The following PTPN4 variants were observed in gnomAD, a reference collection of about 807,000 sequenced individuals.
PTPN4 encodes protein tyrosine phosphatase non-receptor type 4.
In PTPN4, 49 loss-of-function variants were observed where a neutral mutation model predicts 135.5. The observed-to-expected ratio is 0.36, with a 90% confidence interval of 0.29 to 0.46. The LOEUF (loss-of-function observed/expected upper bound fraction) is 0.46, where lower values mean the gene tolerates loss of function less well. Ranked by LOEUF, PTPN4 falls within the 20% of genes least tolerant of loss-of-function variation. The probability of loss-of-function intolerance (pLI) is 1.00; values close to 1 mark genes in which losing one functional copy is unlikely to be tolerated. For synonymous variants in PTPN4, 333 were observed against 369.9 expected, an observed-to-expected ratio of 0.90 and a Z score of 1.14; for missense variants, 860 against 1,101.0, an observed-to-expected ratio of 0.78 and a Z score of 3.10.
chr2:119,928,387 TAA>T (rs1241306459), intron 13 of PTPN4, among the ~76,000 whole-genome samples: 1 of 152,168 alleles, frequency 6.6e-6, no homozygotes, highest in Non-Finnish European at 1.5e-5. Context: ...TATGAGGAAA[TAA>T]TAGTTTATTA....
intron 2 of PTPN4, among the ~76,000 whole-genome samples, chr2:119,835,209 G>T (rs2104965785): frequency 6.6e-6 from 1 of 152,078 alleles, no homozygotes; most frequent in South Asian, 2.1e-4. Flanking sequence ...TTTTGAGACA[G>T]AGTCTCACTC....
chr2:119,970,728 T>C (rs754795129), intron 26 of PTPN4, among the ~76,000 whole-genome samples: 1 of 152,252 alleles, frequency 6.6e-6, no homozygotes, highest in Non-Finnish European at 1.5e-5. Flanking sequence ...ATTTATTTGG[T>C]TTGTATCCAC....
intron 2 of PTPN4, among the ~76,000 whole-genome samples, chr2:119,849,672 C>T (rs1016138434): frequency 3.9e-5 from 6 of 152,108 alleles, no homozygotes; most frequent in South Asian, 2.1e-4. Flanking sequence ...CAAGGCTTGT[C>T]GTTATTGTTT....
chr2:119,849,294 G>A (rs1195881358), intron 2 of PTPN4, among the ~76,000 whole-genome samples: 2 of 151,898 alleles, frequency 1.3e-5, no homozygotes, highest in Non-Finnish European at 2.9e-5. Flanking sequence ...TAAACTTGAC[G>A]TTTTACTTTA....
In PTPN4 at chr2:119,885,281, T is replaced by C. The variant is rs1487851495; in HGVS notation, c.588-514T>C. On this transcript the variant is annotated intron_variant, in intron 8 of 26. Transcript: ENST00000263708. ...TCCTCATTTGTTTGTTTTTTTGTTT[T>C]GTTTTTTTGCTGTTAGATTTAACAG... Among the ~76,000 whole-genome samples, 3 of 152,204 alleles carry C rather than the reference T, an allele frequency of 2.0e-5. No individual in the cohort carries two copies. The East Asian group carries it at 5.8e-4, about 29-fold the overall frequency.
At chr2:119,802,196 G>A (rs749278125) in intron 1 of PTPN4, among the ~76,000 whole-genome samples, 23 of 152,112 alleles carry the variant, frequency 1.5e-4, no homozygotes, top group African/African-American at 4.1e-4. Context: ...CGTGCCCGGC[G>A]CTCCTCCTTT....
At position 119,865,701 on chromosome 2, in the gene PTPN4, C is replaced by T. The variant is rs139422104; in HGVS notation, c.246+3058C>T. 3.2e-4 allele frequency among the ~76,000 whole-genome samples: 49 copies of T among 152,050 alleles called. 1 individual carries two copies. In the East Asian group the frequency reaches 9.3e-3, roughly 29 times the overall value. ...AATTAATTCTCACCTATCTTTAGCTCATAATTTTTAAATCTTAAAACTTAT... is the reference window on the plus strand; with the variant it reads ...AATTAATTCTCACCTATCTTTAGCTTATAATTTTTAAATCTTAAAACTTAT... On this transcript the variant is annotated intron_variant, in intron 3 of 26. Coordinates refer to ENST00000263708, the MANE Select transcript of PTPN4 (RefSeq NM_002830.4).
chr2:119,893,197 A>G (rs1277224316), intron 9 of PTPN4, among the ~76,000 whole-genome samples: 2 of 152,180 alleles, frequency 1.3e-5, no homozygotes, highest in African/African-American at 2.4e-5. Flanking sequence ...GATCCAGGTG[A>G]AAGGTAATGG....
At chr2:119,958,516 T>C (rs1039375131) in intron 22 of PTPN4, among the ~76,000 whole-genome samples, 1 of 152,144 alleles carries the variant, frequency 6.6e-6, no homozygotes, top group African/African-American at 2.4e-5. Context: ...TAGTGGCCAA[T>C]CTTAGCTAAA....
intron 2 of PTPN4, among the ~76,000 whole-genome samples, chr2:119,844,322 CG>C (rs1279671029): frequency 1.5e-5 from 2 of 132,876 alleles, no homozygotes; most frequent in Non-Finnish European, 3.3e-5. Flanking sequence ...GCTGGCCGGA[CG>C]GGGCGGCTGG....
chr2:119,980,137 A>G lies in PTPN4; in HGVS notation c.*3067A>G, dbSNP rs1475062794. 1 of 152,124 alleles carries G rather than the reference A, an allele frequency of 6.6e-6. No homozygotes were observed. Among genetic ancestry groups the G allele is most frequent in the Non-Finnish European group, 1.5e-5 (1 of 67,946 alleles). 9.4% of individuals were successfully genotyped at this position (152,124 alleles called of 1,614,324 possible). A position where few individuals can be genotyped will look rare whatever the true frequency, so the allele number is the denominator to read the frequency against. ...AGGGGAGTGGTTGATGATTTTAATC[A>G]AGAGTAAAGGGAACATTTATTACAT... On this transcript the variant is annotated 3_prime_UTR_variant, in exon 27 of 27. Coordinates refer to ENST00000263708, the MANE Select transcript of PTPN4 (RefSeq NM_002830.4).
At chr2:119,811,816 A>G (rs1371200113) in intron 2 of PTPN4, among the ~76,000 whole-genome samples, 1 of 152,052 alleles carries the variant, frequency 6.6e-6, no homozygotes, top group Non-Finnish European at 1.5e-5. Context: ...AGTATGCTGT[A>G]TTTTTCAGTG....
chr2:119,885,597 A>G (rs1300626380), intron 8 of PTPN4, among the ~76,000 whole-genome samples, 198 bp from the exon 9 acceptor site: 1 of 152,246 alleles, frequency 6.6e-6, no homozygotes, highest in East Asian at 1.9e-4. Context: ...CTAGAAAATA[A>G]GACAGTATTC....
intron 1 of PTPN4, among the ~76,000 whole-genome samples, chr2:119,768,501 A>G (rs1690674151): frequency 6.6e-6 from 1 of 152,180 alleles, no homozygotes; most frequent in South Asian, 2.1e-4. Flanking sequence ...TTCTATGCCT[A>G]TGTACAGGTA....
At chr2:119,876,896 C>CGTGTGTGT (rs1558751874) in intron 3 of PTPN4, among the ~76,000 whole-genome samples, 6 of 96,424 alleles carry the variant, frequency 6.2e-5, no homozygotes, top group Non-Finnish European at 8.8e-5. Flanking sequence ...AGCCCAAGAG[C>CGTGTGTGT]ATGTGTGTGT....
At position 119,882,662 on chromosome 2, in the gene PTPN4, A is replaced by C. The variant is rs186539347; in HGVS notation, c.587+39A>C. On this transcript the variant is annotated intron_variant, in intron 8 of 26. Coordinates refer to ENST00000263708, the MANE Select transcript of PTPN4 (RefSeq NM_002830.4). Reference sequence around the variant, plus strand: ...AGTTTTTTATTTGATAAACTTCTTAATGGCATTCTTTCTAGAGAAATGTTT... The same window carrying C: ...AGTTTTTTATTTGATAAACTTCTTACTGGCATTCTTTCTAGAGAAATGTTT... 4 of 1,428,328 alleles carry C rather than the reference A, an allele frequency of 2.8e-6. No individual in the cohort carries two copies. In the African/African-American group the frequency reaches 4.4e-5, roughly 16 times the overall value. 88.5% of individuals were successfully genotyped at this position (1,428,328 alleles called of 1,614,324 possible). A position where few individuals can be genotyped will look rare whatever the true frequency, so the allele number is the denominator to read the frequency against.
intron 1 of PTPN4, among the ~76,000 whole-genome samples, chr2:119,787,487 A>G (rs908155882): frequency 6.6e-6 from 1 of 152,158 alleles, no homozygotes; most frequent in Non-Finnish European, 1.5e-5. Flanking sequence ...ATTGTCTAAC[A>G]CTTTATGTAT....
intron 13 of PTPN4, among the ~76,000 whole-genome samples, chr2:119,929,662 C>G (rs1678872421): frequency 6.6e-6 from 1 of 152,076 alleles, no homozygotes; most frequent in Non-Finnish European, 1.5e-5. Flanking sequence ...ATTTTTTTCT[C>G]TGAAATTTCC....
intron 19 of PTPN4, among the ~76,000 whole-genome samples, chr2:119,953,399 AG>A (rs1320362948): frequency 6.6e-6 from 1 of 152,170 alleles, no homozygotes; most frequent in Non-Finnish European, 1.5e-5. Context: ...GTTCACAAAT[AG>A]GCGTTTTCAT....
Sources: allele counts gnomAD v4.1 joint callset (sites outside exome capture counted in the v4.1 genomes callset), GRCh38; gene constraint gnomAD v4.1.1; transcripts MANE v1.5; gene names NCBI Gene and HGNC (gene_info 2026-07-23, HGNC 2026-07-21).